The following PLCB4 variants were observed in gnomAD, a reference collection of about 807,000 sequenced individuals.
PLCB4 encodes 1-phosphatidylinositol 4,5-bisphosphate phosphodiesterase beta-4.
In PLCB4, 77 loss-of-function variants were observed where a neutral mutation model predicts 178.8. The observed-to-expected ratio is 0.43, with a 90% confidence interval of 0.36 to 0.52. PLCB4 has a LOEUF of 0.52. PLCB4 is among the 20% of genes least tolerant of loss of function. The pLI is 0.00. For synonymous variants in PLCB4, 496 were observed against 490.8 expected, an observed-to-expected ratio of 1.01 and a Z score of -0.14; for missense variants, 1,024 against 1,453.4, an observed-to-expected ratio of 0.70 and a Z score of 4.80.
chr20:9,373,355 A>G (rs529735412), intron 12 of PLCB4, among the ~76,000 whole-genome samples: 2 of 152,276 alleles, frequency 1.3e-5, no homozygotes, highest in Admixed American at 1.3e-4. Flanking sequence ...TTCTGTGTGT[A>G]TGTGTGAATT....
At chr20:9,432,394 G>T (rs970735321) in intron 28 of PLCB4, among the ~76,000 whole-genome samples, 1 of 152,118 alleles carries the variant, frequency 6.6e-6, no homozygotes, top group African/African-American at 2.4e-5. Context: ...CAGGCCCCCA[G>T]ACTGATTATA....
chr20:9,180,712 T>A (rs1367136939), intron 2 of PLCB4, among the ~76,000 whole-genome samples: 1 of 152,118 alleles, frequency 6.6e-6, no homozygotes, highest in African/African-American at 2.4e-5. Context: ...TGGTTGAAGA[T>A]CACATTCACG....
intron 3 of PLCB4, among the ~76,000 whole-genome samples, chr20:9,242,803 C>G (rs2147425143): frequency 6.6e-6 from 1 of 152,248 alleles, no homozygotes; most frequent in South Asian, 2.1e-4. Context: ...CTCAGGCTCA[C>G]CCCAGACCCA....
chr20:9,273,232 C>T (rs190146968), intron 3 of PLCB4, among the ~76,000 whole-genome samples: 236 of 152,260 alleles, frequency 1.5e-3, no homozygotes, highest in Middle Eastern at 3.4e-3. Flanking sequence ...TTTATCATTA[C>T]TCTTGCCTAG....
intron 3 of PLCB4, among the ~76,000 whole-genome samples, chr20:9,294,570 C>A (rs1312322823): frequency 6.6e-6 from 1 of 152,124 alleles, no homozygotes; most frequent in Non-Finnish European, 1.5e-5. Context: ...AGCTTTAGTT[C>A]CGAATACCTA....
chr20:9,112,290 C>G (rs1347170597), intron 2 of PLCB4, among the ~76,000 whole-genome samples: 1 of 146,550 alleles, frequency 6.8e-6, no homozygotes. Flanking sequence ...GAGTCTTGCT[C>G]TGTTGCCCAG....
intron 28 of PLCB4, among the ~76,000 whole-genome samples, chr20:9,427,338 CA>C (rs981328589): frequency 6.7e-6 from 1 of 149,652 alleles, no homozygotes; most frequent in Non-Finnish European, 1.5e-5. Context: ...AGCCCAGATG[CA>C]AAATGTCCAA....
intron 3 of PLCB4, among the ~76,000 whole-genome samples, chr20:9,236,703 C>G (rs778506402): frequency 1.3e-4 from 20 of 152,166 alleles, no homozygotes; most frequent in Non-Finnish European, 2.6e-4. Context: ...ATGGGAGAGG[C>G]ACTTATTTCA....
chr20:9,467,368 G>T (rs898026289), intron 35 of PLCB4, among the ~76,000 whole-genome samples: 1 of 152,208 alleles, frequency 6.6e-6, no homozygotes. Context: ...CATGGCACAT[G>T]TATACCTATG....
rs139901165 is a variant in PLCB4, at chr20:9,280,747, G to A, written c.-15-27053G>A. ...GAAATACTGAATTGGAGGGAGATAC[G>A]GTCCTTACTGAGCATGCTGAAGTAA... On this transcript the variant is annotated intron_variant, in intron 3 of 39. Coordinates refer to ENST00000378473, the MANE Select transcript of PLCB4 (RefSeq NM_001377142.1). 7.2e-5 allele frequency among the ~76,000 whole-genome samples: 11 copies of A among 151,890 alleles called. No homozygotes were observed. The East Asian group carries it at 1.4e-3, about 19-fold the overall frequency.
intron 2 of PLCB4, among the ~76,000 whole-genome samples, chr20:9,118,333 A>G (rs1337465370): frequency 1.3e-5 from 2 of 151,082 alleles, no homozygotes; most frequent in African/African-American, 2.4e-5. Context: ...TGCTTATAAA[A>G]TATGAGAACA....
chr20:9,356,844 A>AGT (rs1451958690), intron 7 of PLCB4, among the ~76,000 whole-genome samples: 4 of 152,204 alleles, frequency 2.6e-5, no homozygotes, highest in Non-Finnish European at 5.9e-5. Flanking sequence ...GGCCAGGTGC[A>AGT]GTGGCTCATG....
At chr20:9,427,930 A>G (rs908699509) in intron 28 of PLCB4, among the ~76,000 whole-genome samples, 2 of 152,166 alleles carry the variant, frequency 1.3e-5, no homozygotes, top group Non-Finnish European at 2.9e-5. Context: ...TACTTCTGCA[A>G]CCATAAATTT....
chr20:9,290,043 C>T (rs1271793849), intron 3 of PLCB4, among the ~76,000 whole-genome samples: 1 of 151,862 alleles, frequency 6.6e-6, no homozygotes, highest in South Asian at 2.1e-4. Flanking sequence ...GCATCTCTTG[C>T]CTAATGAGAA....
At chr20:9,398,307 C>T (rs562572374) in intron 19 of PLCB4, among the ~76,000 whole-genome samples, 12 of 152,138 alleles carry the variant, frequency 7.9e-5, no homozygotes, top group Non-Finnish European at 1.5e-4. Flanking sequence ...GCAGATGATA[C>T]GGCAGCTGTC....
rs1392174785 is a variant in PLCB4 at position 9,383,750 on chromosome 20, T to A, written c.854-451T>A. 3.9e-5 allele frequency among the ~76,000 whole-genome samples: 6 copies of A among 152,354 alleles called. No individual in the cohort carries two copies. In the East Asian group the frequency reaches 1.2e-3, roughly 29 times the overall value. On this transcript the variant is annotated intron_variant, in intron 13 of 39. Transcript: ENST00000378473. ...TGTCTTATAATTAATACATTTTCCA[T>A]TTTTAAAGAGCACCTCTCGTATCTA...
intron 2 of PLCB4, among the ~76,000 whole-genome samples, chr20:9,118,498 A>C (rs1219794250): frequency 6.6e-6 from 1 of 152,052 alleles, no homozygotes; most frequent in Non-Finnish European, 1.5e-5. Flanking sequence ...ATGCATAATC[A>C]ATATAAAAAT....
chr20:9,165,793 T>TGTGTGTGTGTG (rs2092960320), intron 2 of PLCB4, among the ~76,000 whole-genome samples: 1 of 139,650 alleles, frequency 7.2e-6, no homozygotes, highest in Admixed American at 7.1e-5. Flanking sequence ...CTGGGGCTGT[T>TGTGTGTGTGTG]TGTGTGTGTG....
In PLCB4 at chr20:9,453,405, A is replaced by G; in HGVS notation, c.2939A>G (p.Tyr980Cys). Residue 980 changes from tyrosine to cysteine, a missense_variant, in exon 33 of 40, where the codon TAT becomes TGT. Physicochemically the swap from Tyr to Cys is radical, Grantham distance 194. Around this residue, in one of 7 missense-constraint regions of PLCB4, gnomAD observed 264 missense variants for 283.2 expected, o/e 0.93. Transcript: ENST00000378473. ...CAAGTTGACAAAATTGTGGCACAGTATGACAAAGAGAAGTCGACTCATGAG... is the reference window on the plus strand; with the variant it reads ...CAAGTTGACAAAATTGTGGCACAGTGTGACAAAGAGAAGTCGACTCATGAG... ...CTQVDKIVAQ[Y>C]DKEKSTHEKI... 2.5e-6 allele frequency: 4 copies of G among 1,613,190 alleles called. No homozygotes were observed. The highest frequency in any genetic ancestry group is 3.4e-6 in the Non-Finnish European group (4 of 1,179,472).
Sources: gnomAD v4.1 joint callset for allele counts (sites outside exome capture counted in the v4.1 genomes callset) on GRCh38, gnomAD v4.1.1 for gene constraint, gnomAD v4.1.1 regional missense constraint, MANE v1.5 for transcripts, NCBI Gene and HGNC (gene_info 2026-07-23, HGNC 2026-07-21) for gene names.